The following MCTP2 variants were observed in gnomAD, a reference collection of about 807,000 sequenced individuals.
The protein encoded by MCTP2 is multiple C2 and transmembrane domain-containing protein 2.
Under a neutral mutation model 111.6 loss-of-function variants are expected in MCTP2, and 132 were observed. The observed-to-expected ratio is 1.18, with a 90% CI of 1.03 to 1.37. The LOEUF (loss-of-function observed/expected upper bound fraction) is 1.37. Among genes scored for constraint, MCTP2 ranks in the 40% most tolerant of loss-of-function variants. The pLI is 0.00. For missense variants in MCTP2, 1,183 were observed against 1,067.9 expected (o/e 1.11, Z -1.50); for synonymous variants, 395 against 387.7 (o/e 1.02, Z -0.22).
chr15:94,250,214 G>A (rs1381458497), intron 1 of MCTP2, among the ~76,000 whole-genome samples: 1 of 152,128 alleles, frequency 6.6e-6, no homozygotes, highest in Non-Finnish European at 1.5e-5. Context: ...GGCTGCATTA[G>A]TGAAAATGAG....
intron 19 of MCTP2, among the ~76,000 whole-genome samples, chr15:94,444,885 T>G (rs963258883): frequency 1.3e-5 from 2 of 152,166 alleles, no homozygotes; most frequent in African/African-American, 4.8e-5. Context: ...CCTCCCCGCT[T>G]TAGGAATAAC....
chr15:94,442,997 AC>A (rs774017962), intron 19 of MCTP2, 37 bp downstream of exon 19: 1 of 1,590,032 alleles, frequency 6.3e-7, no homozygotes, highest in South Asian at 1.1e-5. Context: ...ACAAAAAAAC[AC>A]TAGTGTTGTC....
rs35841415 is a variant in MCTP2, at chr15:94,324,191, G to C, written c.637+8554G>C. The stretch of plus-strand genomic sequence containing the variant: ...GAGGTGTTCTGGCGTCTTAGAGCTG[G>C]TCTTATGCTCCAGGCCTGGCTTGAA... On this transcript the variant is annotated intron_variant, in intron 4 of 22. Transcript: ENST00000357742. Among the ~76,000 whole-genome samples, 460 of 152,314 alleles carry C rather than the reference G, an allele frequency of 3.0e-3. 3 individuals carry two copies. Among genetic ancestry groups the C allele is most frequent in the Non-Finnish European group, 4.3e-3 (293 of 68,038 alleles).
At chr15:94,351,175 G>A (rs1204998691) in intron 8 of MCTP2, among the ~76,000 whole-genome samples, 1 of 152,118 alleles carries the variant, frequency 6.6e-6, no homozygotes, top group African/African-American at 2.4e-5. Flanking sequence ...TTACATGTGG[G>A]AAATTTAAAA....
At chr15:94,415,841 T>C (rs1034236981) in intron 17 of MCTP2, among the ~76,000 whole-genome samples, 3 of 152,158 alleles carry the variant, frequency 2.0e-5, no homozygotes, top group Non-Finnish European at 2.9e-5. Context: ...AGAGCTGATA[T>C]AGCAATTTTA....
At chr15:94,300,693 C>A (rs1239495740) in intron 2 of MCTP2, among the ~76,000 whole-genome samples, 1 of 152,020 alleles carries the variant, frequency 6.6e-6, no homozygotes, top group Non-Finnish European at 1.5e-5. Flanking sequence ...TACTGGATAT[C>A]AGAGCTGTTG....
chr15:94,332,035 C>T (rs2077155900), intron 4 of MCTP2, among the ~76,000 whole-genome samples: 2 of 152,206 alleles, frequency 1.3e-5, no homozygotes, highest in Admixed American at 6.5e-5. Context: ...GATAAAACCA[C>T]TGGCTTGGAA....
intron 17 of MCTP2, among the ~76,000 whole-genome samples, chr15:94,431,753 T>G (rs1231075025): frequency 1.3e-5 from 2 of 152,230 alleles, no homozygotes; most frequent in East Asian, 3.8e-4. Flanking sequence ...AATATGTTTA[T>G]TCTAAAATAA....
intron 17 of MCTP2, among the ~76,000 whole-genome samples, chr15:94,423,007 T>C (rs903124158): frequency 2.6e-5 from 4 of 152,146 alleles, no homozygotes; most frequent in African/African-American, 9.7e-5. Flanking sequence ...AAGCTGTTAG[T>C]CTTACCTAAG....
intron 14 of MCTP2, among the ~76,000 whole-genome samples, chr15:94,395,046 T>G (rs2081209905): frequency 6.6e-6 from 1 of 152,158 alleles, no homozygotes; most frequent in South Asian, 2.1e-4. Flanking sequence ...TAGATCTCTC[T>G]CTAGGTGCTG....
At chr15:94,311,538 C>A (rs2076144065) in intron 2 of MCTP2, among the ~76,000 whole-genome samples, 1 of 152,108 alleles carries the variant, frequency 6.6e-6, no homozygotes, top group East Asian at 1.9e-4. Flanking sequence ...TTATGTGTCC[C>A]CCAGCGGCTG....
In MCTP2 at chr15:94,325,812, A is replaced by ATTTTTT. The variant is rs557989149; in HGVS notation, c.637+10196_637+10201dup. On this transcript the variant is annotated intron_variant, in intron 4 of 22. Transcript: ENST00000357742. Reference sequence around the variant, plus strand: ...GAACCTACTCTACTCCATCGCTCCGATTTTTTTTTTTTTTTTTTTTTTTTT... The same window carrying ATTTTTT: ...GAACCTACTCTACTCCATCGCTCCGATTTTTTTTTTTTTTTTTTTTTTTTTTTTTTT... 4.3e-3 allele frequency among the ~76,000 whole-genome samples: 399 copies of ATTTTTT among 91,856 alleles called. 46 individuals carry two copies. The highest frequency in any genetic ancestry group is 0.017 in the African/African-American group (377 of 22,324). The allele number at this position is 91,856 out of a possible 152,430, so 60.3% of individuals were successfully genotyped here.
intron 9 of MCTP2, among the ~76,000 whole-genome samples, chr15:94,357,549 T>A (rs1248839105): frequency 1.4e-5 from 2 of 141,118 alleles, no homozygotes; most frequent in Non-Finnish European, 3.1e-5. Flanking sequence ...CTTTTCTTGT[T>A]TTTTTTTTTG....
At chr15:94,363,186 C>T (rs369611727) in intron 10 of MCTP2, among the ~76,000 whole-genome samples, 56 of 152,210 alleles carry the variant, frequency 3.7e-4, no homozygotes, top group African/African-American at 1.2e-3. Flanking sequence ...TCAGTGTATT[C>T]AAATCTTCAA....
At position 94,457,823 on chromosome 15, in the gene MCTP2, C is replaced by T. The variant is rs188671957; in HGVS notation, c.2251-314C>T. ...AGGAAGTCAGAGTTAGCCAGACTGA[C>T]GGGATTGCAGAATTCTGCGAGGGAC... is the stretch of plus-strand genomic sequence containing the variant. On this transcript the variant is annotated intron_variant, in intron 19 of 22. Transcript: ENST00000357742. 2.7e-4 allele frequency among the ~76,000 whole-genome samples: 41 copies of T among 152,160 alleles called. No individual in the cohort carries two copies. The East Asian group carries it at 7.1e-3, about 27-fold the overall frequency.
At chr15:94,450,609 G>C (rs1335802864) in intron 19 of MCTP2, among the ~76,000 whole-genome samples, 1 of 152,122 alleles carries the variant, frequency 6.6e-6, no homozygotes, top group Non-Finnish European at 1.5e-5. Flanking sequence ...TATTCAGTGG[G>C]ATGAAACAGA....
chr15:94,386,597 C>T (rs951351942), intron 14 of MCTP2, among the ~76,000 whole-genome samples: 1 of 152,188 alleles, frequency 6.6e-6, no homozygotes, highest in Non-Finnish European at 1.5e-5. Flanking sequence ...TCGGCACCAG[C>T]CGAGCAGCTC....
intron 12 of MCTP2, among the ~76,000 whole-genome samples, chr15:94,372,912 G>C (rs1382504837): frequency 6.6e-6 from 1 of 152,100 alleles, no homozygotes; most frequent in African/African-American, 2.4e-5. Context: ...TGTGGTAATT[G>C]CATGTTTCTA....
At chr15:94,414,284 G>T (rs550459593) in intron 17 of MCTP2, among the ~76,000 whole-genome samples, 1 of 151,982 alleles carries the variant, frequency 6.6e-6, no homozygotes, top group South Asian at 2.1e-4. Context: ...TAATAGAAGA[G>T]GCAGAAAAAG....
Sources: gnomAD v4.1 joint callset for allele counts (sites outside exome capture counted in the v4.1 genomes callset) on GRCh38, gnomAD v4.1.1 for gene constraint, MANE v1.5 for transcripts, NCBI Gene and HGNC (gene_info 2026-07-23, HGNC 2026-07-21) for gene names.